Variants in TENM2 observed in about 807,000 individuals in gnomAD.
TENM2 encodes the protein teneurin-2.
A neutral mutation model predicts 245.2 loss-of-function variants in TENM2; 52 were observed. That is an observed-to-expected ratio of 0.21 (90% CI 0.17 to 0.27). The LOEUF is 0.27. TENM2 is among the 10% of genes least tolerant of loss of function. TENM2 has a pLI of 1.00. For missense variants in TENM2, 3,046 were observed against 3,666.8 expected, an observed-to-expected ratio of 0.83 and a Z score of 4.37; for synonymous variants, 1,363 against 1,438.9, an observed-to-expected ratio of 0.95 and a Z score of 1.19.
chr5:167,861,301 C>G (rs1410046210), intron 2 of TENM2, among the ~76,000 whole-genome samples: 1 of 152,076 alleles, frequency 6.6e-6, no homozygotes, highest in Non-Finnish European at 1.5e-5. Context: ...TCCTAGTGCA[C>G]GATAATGTTT....
chr5:168,139,996 A>G (rs1284371771), intron 12 of TENM2, among the ~76,000 whole-genome samples: 1 of 152,254 alleles, frequency 6.6e-6, no homozygotes, highest in Non-Finnish European at 1.5e-5. Context: ...TGGACCACCC[A>G]TCTGTGACTA....
the TENM2 span, among the ~76,000 whole-genome samples, chr5:167,006,175 T>C: frequency 6.6e-6 from 1 of 152,120 alleles, no homozygotes; most frequent in African/African-American, 2.4e-5. Context: ...AGATACTCTA[T>C]GGCCAGGCTG....
the TENM2 span, among the ~76,000 whole-genome samples, chr5:167,074,514 G>T: frequency 6.6e-6 from 1 of 152,180 alleles, no homozygotes; most frequent in African/African-American, 2.4e-5. Flanking sequence ...TCCTGAATGG[G>T]AATCTCATGA....
At chr5:167,056,172 A>T in the TENM2 span, among the ~76,000 whole-genome samples, 1 of 151,550 alleles carries the variant, frequency 6.6e-6, no homozygotes, top group East Asian at 1.9e-4. Context: ...TGACTAAGTG[A>T]TTTTTCTTGT....
At chr5:167,219,260 A>G in the TENM2 span, among the ~76,000 whole-genome samples, 16 of 152,258 alleles carry the variant, frequency 1.1e-4, no homozygotes, top group Admixed American at 2.0e-4. Context: ...TGATGGCGCC[A>G]TTGTGCTCCA....
At chr5:168,176,275 C>A (rs1358540824) in intron 13 of TENM2, among the ~76,000 whole-genome samples, 1 of 152,220 alleles carries the variant, frequency 6.6e-6, no homozygotes, top group Non-Finnish European at 1.5e-5. Flanking sequence ...ACCCAGGTTG[C>A]CGCAGTGGCT....
At position 167,455,096 on chromosome 5, in the gene TENM2, A is replaced by G. The variant is rs560556795; in HGVS notation, c.502+79623A>G. Among the ~76,000 whole-genome samples the G allele has an allele frequency of 1.2e-4, 18 of 152,206 alleles. 1 individual carries two copies. In the South Asian group the frequency reaches 2.5e-3, roughly 21 times the overall value. ...CATAGATTCCTTTCTGATCTTACCAATGTTCAAATTTATCTGTTCTTCCTG... is the reference window on the plus strand; with the variant it reads ...CATAGATTCCTTTCTGATCTTACCAGTGTTCAAATTTATCTGTTCTTCCTG... On this transcript the variant is annotated intron_variant, in intron 2 of 28. Coordinates refer to ENST00000518659, the Ensembl canonical transcript of TENM2.
chr5:167,461,272 A>G (rs2127492788), intron 2 of TENM2, among the ~76,000 whole-genome samples: 1 of 151,914 alleles, frequency 6.6e-6, no homozygotes, highest in South Asian at 2.1e-4. Context: ...CTTCAGGGAT[A>G]CAATTGCTCT....
At chr5:168,062,563 T>A (rs993880237) in intron 7 of TENM2, among the ~76,000 whole-genome samples, 1 of 152,182 alleles carries the variant, frequency 6.6e-6, no homozygotes, top group Non-Finnish European at 1.5e-5. Flanking sequence ...ACCATTTTCT[T>A]ACAAAAACGT....
chr5:167,123,006 T>C, the TENM2 span, among the ~76,000 whole-genome samples: 1 of 152,008 alleles, frequency 6.6e-6, no homozygotes, highest in East Asian at 1.9e-4. Context: ...AGACAATATT[T>C]CTCTTTTTGG....
At chr5:167,089,914 A>G in the TENM2 span, among the ~76,000 whole-genome samples, 3 of 152,138 alleles carry the variant, frequency 2.0e-5, no homozygotes, top group Non-Finnish European at 2.9e-5. Flanking sequence ...AGGACTCACC[A>G]GGCAAGGCTG....
At chr5:167,560,274 T>A (rs1752345751) in intron 2 of TENM2, among the ~76,000 whole-genome samples, 1 of 152,224 alleles carries the variant, frequency 6.6e-6, no homozygotes, top group South Asian at 2.1e-4. Flanking sequence ...TCTAACCTCT[T>A]TAGTCTCTCT....
chr5:167,162,320 T>C, the TENM2 span, among the ~76,000 whole-genome samples: 1 of 152,130 alleles, frequency 6.6e-6, no homozygotes, highest in African/African-American at 2.4e-5. Flanking sequence ...TCTAAGCATA[T>C]ATTCAAATAT....
intron 23 of TENM2, among the ~76,000 whole-genome samples, chr5:168,223,744 C>T (rs143932318): frequency 0.013 from 2,020 of 152,134 alleles, 138 homozygotes; most frequent in Admixed American, 0.12. Flanking sequence ...GGATTGATTA[C>T]GGGCACAAGC....
At chr5:167,970,608 A>C (rs994889) in intron 4 of TENM2, among the ~76,000 whole-genome samples, 73,680 of 152,012 alleles carry the variant, frequency 0.48, 19,498 homozygotes, top group African/African-American at 0.68. Flanking sequence ...CAAGCTCCTA[A>C]TATTCTCAGC....
At chr5:167,754,251 A>G (rs961771912) in intron 2 of TENM2, among the ~76,000 whole-genome samples, 30 of 152,118 alleles carry the variant, frequency 2.0e-4, no homozygotes, top group African/African-American at 7.0e-4. Context: ...AGGAAACACA[A>G]TAAAAGAGGT....
At chr5:168,231,515 T>G (rs1357409046) in intron 25 of TENM2, among the ~76,000 whole-genome samples, 1 of 152,270 alleles carries the variant, frequency 6.6e-6, no homozygotes, top group Non-Finnish European at 1.5e-5. Flanking sequence ...GAAAAGAACA[T>G]GGTGCCAGGC....
At chr5:168,071,921 A>G (rs1485195998) in intron 7 of TENM2, among the ~76,000 whole-genome samples, 3 of 152,168 alleles carry the variant, frequency 2.0e-5, no homozygotes, top group Non-Finnish European at 4.4e-5. Flanking sequence ...AGAGCTGAAA[A>G]CTTGTGCAAA....
At chr5:167,340,451 A>T (rs907636026) in intron 1 of TENM2, among the ~76,000 whole-genome samples, 1 of 152,170 alleles carries the variant, frequency 6.6e-6, no homozygotes, top group Non-Finnish European at 1.5e-5. Context: ...TTCTGGTAAG[A>T]TCTCTCTCCA....
Sources: gnomAD v4.1 joint callset for allele counts (sites outside exome capture counted in the v4.1 genomes callset) on GRCh38, gnomAD v4.1.1 for gene constraint, MANE v1.5 for transcripts, NCBI Gene and HGNC (gene_info 2026-07-23, HGNC 2026-07-21) for gene names.